Variants in MTOR observed in about 807,000 individuals in gnomAD.
MTOR encodes the protein serine/threonine-protein kinase mTOR.
MTOR carries 70 observed loss-of-function variants against 319.8 expected under a neutral mutation model. That is an observed-to-expected ratio of 0.22 (90% confidence interval 0.18 to 0.27). The LOEUF (loss-of-function observed/expected upper bound fraction) is 0.27, where lower values mean the gene tolerates loss of function less well. MTOR is among the 10% of genes least tolerant of loss of function. The probability of loss-of-function intolerance (pLI) is 1.00; values close to 1 mark genes in which losing one functional copy is unlikely to be tolerated. For synonymous variants in MTOR, 1,183 were observed against 1,211.4 expected (o/e 0.98, Z 0.49); for missense variants, 1,890 against 3,274.4 (o/e 0.58, Z 10.32).
rs139216891 is a variant in MTOR, at chr1:11,193,310, C to CA, written c.4253+5947dup. Among the ~76,000 whole-genome samples the CA allele has an allele frequency of 9.3e-4, 132 of 141,974 alleles. No homozygotes were observed. In the Middle Eastern group the frequency reaches 0.011, roughly 12 times the overall value. 93.1% of individuals were successfully genotyped at this position (141,974 alleles called of 152,430 possible). ...GGGCAACAAGAGTGAAATTCTGCTT[C>CA]AAAAAAAAAAAAAGTATCTGGATTT... On this transcript the variant is annotated intron_variant, in intron 28 of 57. Transcript: ENST00000361445.
intron 19 of MTOR, among the ~76,000 whole-genome samples, chr1:11,218,015 G>A (rs762861040): frequency 6.6e-6 from 1 of 152,098 alleles, no homozygotes; most frequent in African/African-American, 2.4e-5. Context: ...TCCCCATGTG[G>A]CACACATTTG....
intron 21 of MTOR, 145 bp downstream of exon 21, chr1:11,213,254 C>T (rs1646365844): frequency 1.3e-6 from 1 of 778,706 alleles, no homozygotes; most frequent in Non-Finnish European, 2.0e-6. Flanking sequence ...AAACTGCACA[C>T]ATTGGGTATT....
chr1:11,236,790 C>A (rs554285046), intron 13 of MTOR, among the ~76,000 whole-genome samples: 1 of 152,250 alleles, frequency 6.6e-6, no homozygotes, highest in South Asian at 2.1e-4. Context: ...GGATTACAGG[C>A]ATGAGCCACC....
intron 19 of MTOR, among the ~76,000 whole-genome samples, chr1:11,218,170 G>A (rs1400190198): frequency 2.6e-5 from 4 of 152,126 alleles, no homozygotes; most frequent in Non-Finnish European, 5.9e-5. Context: ...GGTGGTTCAC[G>A]CCTGTAATCC....
In MTOR at chr1:11,127,280, C is replaced by T; in HGVS notation, c.6217-136G>A. On this transcript the variant is annotated intron_variant, in intron 44 of 57. Transcript: ENST00000361445. The surrounding 1 kb of genome is among the most constrained non-coding windows in gnomAD (Gnocchi z 5.5). ...AACACTGGCAGGGGGCTGGAGAAAGCAAGAGCATAGGTGCAGGCCTCCAAC... is the reference window on the plus strand; with the variant it reads ...AACACTGGCAGGGGGCTGGAGAAAGTAAGAGCATAGGTGCAGGCCTCCAAC... The T allele has an allele frequency of 7.9e-7, 1 of 1,260,056 alleles. No individual in the cohort carries two copies. The highest frequency in any genetic ancestry group is 1.1e-6 in the Non-Finnish European group (1 of 916,938). 78.1% of individuals were successfully genotyped at this position (1,260,056 alleles called of 1,614,324 possible).
chr1:11,131,278 GA>G (rs1477585611), intron 38 of MTOR: 2 of 169,916 alleles, frequency 1.2e-5, no homozygotes, highest in African/African-American at 4.8e-5. Context: ...TGGTTCACGG[GA>G]AACAAGCCCA....
intron 54 of MTOR, chr1:11,111,173 T>C (rs1371007136): frequency 2.2e-6 from 1 of 455,652 alleles, no homozygotes; most frequent in South Asian, 1.5e-5. Context: ...ATTCCACCCA[T>C]CCAATAAGGA....
At chr1:11,225,408 G>A (rs1646798441) in intron 19 of MTOR, among the ~76,000 whole-genome samples, 1 of 142,026 alleles carries the variant, frequency 7.0e-6, no homozygotes, top group African/African-American at 2.5e-5. Flanking sequence ...AGATCAACAA[G>A]TCAAAAATTG....
At chr1:11,169,121 C>T (rs1220934067) in intron 28 of MTOR, among the ~76,000 whole-genome samples, 1 of 152,176 alleles carries the variant, frequency 6.6e-6, no homozygotes, top group Non-Finnish European at 1.5e-5. Context: ...CAAGAAATTG[C>T]TGTTATAAAT....
rs1647003447 is a variant in MTOR at position 11,231,188 on chromosome 1, G to A, written c.2649+112C>T. The A allele has an allele frequency of 3.2e-6, 5 of 1,581,352 alleles. No homozygotes were observed. The South Asian group carries it at 4.6e-5, about 15-fold the overall frequency. The stretch of plus-strand genomic sequence containing the variant: ...GACCAGCTACATGAACAAAATTGGA[G>A]AGGGACAGGAAGTCTGACTGACACT... On this transcript the variant is annotated intron_variant, in intron 17 of 57. Coordinates refer to ENST00000361445, the MANE Select transcript of MTOR (RefSeq NM_004958.4).
In MTOR at chr1:11,231,397, G is replaced by C; in HGVS notation, c.2552C>G (p.Thr851Ser). Residue 851 changes from threonine to serine, a missense_variant, in exon 17 of 58, where the codon ACT (threonine) becomes AGT (serine). Thr to Ser is a moderately conservative substitution (Grantham distance 58). Around this residue, in one of 15 missense-constraint regions of MTOR, gnomAD observed 377 missense variants for 653.9 expected, o/e 0.58. Transcript: ENST00000361445. ...LWTLGQLVAS[T>S]GYVVEPYRKY... ...CCTGTAGGGCTCTACTACATAGCCAGTGCTGGCCACCAACTGTCCCAGGGT... is the reference window on the plus strand; with the variant it reads ...CCTGTAGGGCTCTACTACATAGCCACTGCTGGCCACCAACTGTCCCAGGGT... The C allele has an allele frequency of 6.2e-7, 1 of 1,614,162 alleles. No homozygotes were observed. Among genetic ancestry groups the C allele is most frequent in the Non-Finnish European group, 8.5e-7 (1 of 1,180,022 alleles).
intron 36 of MTOR, among the ~76,000 whole-genome samples, chr1:11,137,152 T>TA (rs33927011): frequency 0.29 from 21,610 of 73,364 alleles, 3,704 homozygotes; most frequent in African/African-American, 0.44. Context: ...TAAATCTGAT[T>TA]AAAAAAAAAA....
rs35904498 is a variant in MTOR, at chr1:11,255,846, C to CA, written c.705+145dup. The CA allele has an allele frequency of 0.43, 227,025 of 530,968 alleles. 23,760 individuals are homozygous for CA. Among genetic ancestry groups the CA allele is most frequent in the Admixed American group, 0.5 (12,090 of 24,172 alleles). 32.9% of individuals were successfully genotyped at this position (530,968 alleles called of 1,614,324 possible). Reference sequence around the variant, plus strand: ...TGGGCGACAAAGCAAGACTCCATCACAAAAAAAAAAAAAAAAAAATTCATT... The same window carrying CA: ...TGGGCGACAAAGCAAGACTCCATCACAAAAAAAAAAAAAAAAAAAATTCATT... On this transcript the variant is annotated intron_variant, in intron 5 of 57. Coordinates refer to ENST00000361445, the MANE Select transcript of MTOR (RefSeq NM_004958.4).
chr1:11,120,684 T>G (rs1194138849), intron 49 of MTOR, among the ~76,000 whole-genome samples: 1 of 152,168 alleles, frequency 6.6e-6, no homozygotes, highest in Non-Finnish European at 1.5e-5. Flanking sequence ...GGCATAGTAT[T>G]GTATGTAACC....
chr1:11,216,042 A>C, intron 20 of MTOR, 106 bp downstream of exon 20: 3 of 733,046 alleles, frequency 4.1e-6, no homozygotes, highest in Non-Finnish European at 6.8e-6. Flanking sequence ...TAAGACTGTA[A>C]CAGCTCTACA....
chr1:11,157,390 T>C (rs2100569943), intron 29 of MTOR, 99 bp from the exon 30 acceptor site: 2 of 1,393,750 alleles, frequency 1.4e-6, no homozygotes. Context: ...GCTGTACGCA[T>C]GACACTTCAC....
Position 11,248,033 on chromosome 1 carries a change from T to C in MTOR, c.902A>G (p.Lys301Arg), listed in dbSNP as rs1212710481. ...QQQLVHDKYC[K>R]DLMGFGTKPR... Reference sequence around the variant, plus strand: ...TTTTGTTCCGAAGCCCATGAGATCTTTGCAGTACTTGTCGTGTACCAGCTG... The same window carrying C: ...TTTTGTTCCGAAGCCCATGAGATCTCTGCAGTACTTGTCGTGTACCAGCTG... The change falls in exon 7 of 58, where the codon AAA (lysine) becomes AGA (arginine). Residue 301 changes from lysine to arginine, a missense_variant. Around this residue, in one of 15 missense-constraint regions of MTOR, gnomAD observed 418 missense variants for 543.1 expected, o/e 0.77. Transcript: ENST00000361445. 1 of 1,614,048 alleles carries C rather than the reference T, an allele frequency of 6.2e-7. No homozygotes were observed. The highest frequency in any genetic ancestry group is 1.3e-5 in the African/African-American group (1 of 74,936).
intron 4 of MTOR, 119 bp downstream of exon 4, chr1:11,256,814 G>A: frequency 2.1e-6 from 2 of 932,826 alleles, no homozygotes; most frequent in South Asian, 1.6e-5. Flanking sequence ...CTCACAGCCT[G>A]GAATCCTAGC....
In MTOR at chr1:11,136,463, T is replaced by C. The variant is rs373890782; in HGVS notation, c.5131-1997A>G. Among the ~76,000 whole-genome samples the C allele has an allele frequency of 2.3e-4, 35 of 152,306 alleles. No individual in the cohort carries two copies. The East Asian group carries it at 6.0e-3, about 26-fold the overall frequency. ...ACAATAGCATCCCACACTTGGGAAG[T>C]GATAAATGTTCCTTTAATTTTAATT... On this transcript the variant is annotated intron_variant, in intron 36 of 57. Coordinates refer to ENST00000361445, the MANE Select transcript of MTOR (RefSeq NM_004958.4).
Sources: gnomAD v4.1 joint callset for allele counts (sites outside exome capture counted in the v4.1 genomes callset) on GRCh38, gnomAD v4.1.1 for gene constraint, gnomAD v4.1.1 regional missense constraint, Gnocchi (gnomAD v3.1) non-coding constraint, MANE v1.5 for transcripts, NCBI Gene and HGNC (gene_info 2026-07-23, HGNC 2026-07-21) for gene names.